SAMMSON: variants seen among roughly 807,000 people sequenced by gnomAD.
SAMMSON encodes long intergenic non-protein coding RNA 1212.
At chr3:70,009,316 A>C (rs2066943725) in intron 1 of SAMMSON, 1 of 151,890 alleles carries the variant, frequency 6.6e-6, no homozygotes. Context: ...TCAATTTCAG[A>C]GCCTGTTATT....
rs6792861 is a variant in SAMMSON, at chr3:70,326,918, G to A, written n.740-27257G>A. Among the ~76,000 whole-genome samples the A allele has an allele frequency of 4.2e-3, 636 of 152,226 alleles. 3 individuals carry two copies. The highest frequency in any genetic ancestry group is 0.014 in the African/African-American group (601 of 41,534). ...TTGTCACTCATGCTGGAGTGCAGTG[G>A]TGCAATCTTGTTTCACTGCAGTCTC... On this transcript the variant is annotated intron_variant and non_coding_transcript_variant, in intron 7 of 9. Coordinates refer to ENST00000642114, the Ensembl canonical transcript of SAMMSON.
chr3:70,168,824 T>G (rs2067648452), intron 4 of SAMMSON, among the ~76,000 whole-genome samples: 1 of 151,976 alleles, frequency 6.6e-6, no homozygotes, highest in South Asian at 2.1e-4. Context: ...CTAAAGGGGG[T>G]TATTGGTTAC....
At chr3:70,158,792 A>G (rs2067602422) in intron 4 of SAMMSON, among the ~76,000 whole-genome samples, 1 of 152,110 alleles carries the variant, frequency 6.6e-6, no homozygotes, top group African/African-American at 2.4e-5. Context: ...TTTACTGAGT[A>G]GATTAATACT....
chr3:70,325,088 A>G (rs1199541456), intron 7 of SAMMSON, among the ~76,000 whole-genome samples: 1 of 152,096 alleles, frequency 6.6e-6, no homozygotes, highest in Admixed American at 6.6e-5. Flanking sequence ...TGTGGAAGGG[A>G]CGATTCTGGC....
intron 2 of SAMMSON, among the ~76,000 whole-genome samples, chr3:70,426,832 A>G (rs1472560128): frequency 2.0e-5 from 3 of 152,216 alleles, no homozygotes; most frequent in African/African-American, 7.2e-5. Flanking sequence ...TTTGAAAGAG[A>G]AAGTTGAACC....
chr3:70,117,928 T>G (rs1277889327), intron 4 of SAMMSON, among the ~76,000 whole-genome samples: 1 of 152,188 alleles, frequency 6.6e-6, no homozygotes, highest in Non-Finnish European at 1.5e-5. Context: ...TTTATTTATT[T>G]ATTTTTTGAG....
At chr3:70,113,373 G>A (rs2067397512) in intron 4 of SAMMSON, among the ~76,000 whole-genome samples, 3 of 152,212 alleles carry the variant, frequency 2.0e-5, no homozygotes, top group African/African-American at 7.2e-5. Flanking sequence ...AATGGGCTGG[G>A]TCATATTCAT....
chr3:70,409,395 C>T (rs1036035291), intron 2 of SAMMSON, among the ~76,000 whole-genome samples: 15 of 151,024 alleles, frequency 9.9e-5, no homozygotes, highest in African/African-American at 2.2e-4. Context: ...TATCACACAA[C>T]GTTTTTTGCA....
chr3:70,422,177 A>G (rs923360945), intron 2 of SAMMSON, among the ~76,000 whole-genome samples: 2 of 152,080 alleles, frequency 1.3e-5, no homozygotes, highest in Non-Finnish European at 2.9e-5. Context: ...GGGAAAATGA[A>G]TATTAAAAGA....
intron 2 of SAMMSON, among the ~76,000 whole-genome samples, chr3:70,404,733 A>C (rs1701166110): frequency 6.6e-6 from 1 of 152,142 alleles, no homozygotes; most frequent in Non-Finnish European, 1.5e-5. Context: ...ACAAAGAAGC[A>C]AGCCCTACGA....
chr3:70,425,778 A>C (rs1317577076), intron 2 of SAMMSON, among the ~76,000 whole-genome samples: 1 of 152,126 alleles, frequency 6.6e-6, no homozygotes, highest in East Asian at 1.9e-4. Context: ...AAGACTAAAA[A>C]TTAGTTCCTT....
chr3:70,312,095 G>C (rs796991735), intron 7 of SAMMSON: 7 of 389,972 alleles, frequency 1.8e-5, no homozygotes, highest in African/African-American at 1.4e-4. Context: ...TAGTTTTTCA[G>C]TTCACTGTCC....
chr3:70,099,869 G>C (rs6781876), intron 4 of SAMMSON, among the ~76,000 whole-genome samples: 150,389 of 152,290 alleles, frequency 0.99, 74,285 homozygotes, highest in East Asian at 1. Flanking sequence ...GTCCCTCTCT[G>C]TGTACTTGCA....
intron 6 of SAMMSON, among the ~76,000 whole-genome samples, chr3:70,280,391 G>A (rs1244887387): frequency 6.6e-6 from 1 of 152,058 alleles, no homozygotes; most frequent in Non-Finnish European, 1.5e-5. Flanking sequence ...GACATTCTGG[G>A]TGGCCATTAT....
chr3:70,341,666 A>G (rs1702711070), intron 7 of SAMMSON, among the ~76,000 whole-genome samples: 2 of 152,136 alleles, frequency 1.3e-5, no homozygotes, highest in African/African-American at 2.4e-5. Flanking sequence ...CCTCTTGTCA[A>G]GAATATAAAT....
At chr3:70,102,892 T>G (rs1487157984) in intron 4 of SAMMSON, among the ~76,000 whole-genome samples, 1 of 152,196 alleles carries the variant, frequency 6.6e-6, no homozygotes, top group Admixed American at 6.5e-5. Flanking sequence ...CCCTCTCTTA[T>G]GTACAGTGCC....
intron 4 of SAMMSON, chr3:70,206,915 GTAT>G (rs1386540399): frequency 7.6e-6 from 3 of 392,712 alleles, no homozygotes; most frequent in African/African-American, 2.1e-5. Flanking sequence ...AACAAATGAA[GTAT>G]TATTGAGCAA....
intron 3 of SAMMSON, among the ~76,000 whole-genome samples, chr3:70,070,962 A>C (rs956304938): frequency 4.6e-5 from 7 of 152,046 alleles, no homozygotes; most frequent in African/African-American, 1.7e-4. Context: ...ATGAAAACAT[A>C]CCCTCTAGTC....
intron 2 of SAMMSON, among the ~76,000 whole-genome samples, chr3:70,427,212 G>A (rs897132534): frequency 3.9e-5 from 6 of 152,118 alleles, no homozygotes; most frequent in Non-Finnish European, 7.4e-5. Flanking sequence ...CATCTGCAAC[G>A]GTAGACAGGA....
Sources: gnomAD v4.1 joint callset for allele counts (sites outside exome capture counted in the v4.1 genomes callset) on GRCh38, gnomAD v4.1.1 for gene constraint, MANE v1.5 for transcripts, NCBI Gene and HGNC (gene_info 2026-07-23, HGNC 2026-07-21) for gene names.